The following ZZEF1 variants were observed in gnomAD, a reference collection of about 807,000 sequenced individuals.
ZZEF1 encodes zinc finger ZZ-type and EF-hand domain containing 1.
ZZEF1 carries 157 observed loss-of-function variants against 342.8 expected under a neutral mutation model. The ratio of observed to expected loss-of-function variants is 0.46; its 90% CI spans 0.40 to 0.52. The LOEUF (loss-of-function observed/expected upper bound fraction) is 0.52. Among genes scored for constraint, ZZEF1 ranks in the 20% least tolerant of loss-of-function variants. The pLI is 0.00. For synonymous variants in ZZEF1, 1,505 were observed against 1,429.1 expected (o/e 1.05, Z -1.20); for missense variants, 3,480 against 3,725.6 (o/e 0.93, Z 1.72).
In ZZEF1 at chr17:4,082,505, C is replaced by A. The variant is rs200013904; in HGVS notation, c.2647-1G>T. 86 of 1,613,622 alleles carry A rather than the reference C, an allele frequency of 5.3e-5. No homozygotes were observed. The highest frequency in any genetic ancestry group is 7.1e-5 in the Non-Finnish European group (84 of 1,179,864). ...GCTTGTGCTCCTGCTCGGTGACATT[C>A]TTCTAGAAAACCAGAAATTGTATAT... On this transcript the variant is annotated splice_acceptor_variant, in intron 16 of 54. Coordinates refer to ENST00000381638, the MANE Select transcript of ZZEF1 (RefSeq NM_015113.4). LOFTEE classifies it high-confidence loss of function.
rs1387121159 is a variant in ZZEF1, at chr17:4,050,803, C to T, written c.5841G>A (p.Leu1947=). Residue 1947 remains leucine, a synonymous_variant, in exon 36 of 55, where the codon CTG becomes CTA. Coordinates refer to ENST00000381638, the MANE Select transcript of ZZEF1 (RefSeq NM_015113.4). The stretch of plus-strand genomic sequence containing the variant: ...CACCTTTTCCCTGATGAGCCTTCAT[C>T]AGACAGTCCCCGACGAGCTGCATGC... ...SQCMQLVGDC[L]MKAHQGKGLK... is the part of the protein sequence containing the mutation. 1.2e-6 allele frequency: 2 copies of T among 1,613,974 alleles called. No individual in the cohort carries two copies. Among genetic ancestry groups the T allele is most frequent in the Admixed American group, 1.7e-5 (1 of 60,010 alleles).
At chr17:4,065,109 A>G (rs779988703) in intron 28 of ZZEF1, among the ~76,000 whole-genome samples, 3 of 152,230 alleles carry the variant, frequency 2.0e-5, no homozygotes, top group Non-Finnish European at 4.4e-5. Context: ...AGCTTCATGA[A>G]TAAAGTGATA....
intron 19 of ZZEF1, among the ~76,000 whole-genome samples, chr17:4,077,586 TGA>T (rs1465355351): frequency 6.6e-6 from 1 of 152,228 alleles, no homozygotes. Context: ...TAGACTCTCC[TGA>T]AGAGCGAGAC....
chr17:4,041,735 T>C (rs1040084888), intron 39 of ZZEF1, among the ~76,000 whole-genome samples: 1 of 152,188 alleles, frequency 6.6e-6, no homozygotes, highest in Admixed American at 6.6e-5. Context: ...TAGAAAATTA[T>C]GCAAAAGAAT....
At chr17:4,106,265 C>A (rs2058211510) in intron 6 of ZZEF1, among the ~76,000 whole-genome samples, 1 of 151,986 alleles carries the variant, frequency 6.6e-6, no homozygotes, top group Non-Finnish European at 1.5e-5. Flanking sequence ...CCTTTTTGCC[C>A]AGGAGTCACA....
chr17:4,090,292 G>A (rs1447697932), intron 12 of ZZEF1, among the ~76,000 whole-genome samples: 1 of 139,746 alleles, frequency 7.2e-6, no homozygotes, highest in African/African-American at 2.8e-5. Flanking sequence ...TCCACACACT[G>A]TAGCCTGGCT....
At position 4,064,747 on chromosome 17, in the gene ZZEF1, C is replaced by A. The variant is rs1407109382; in HGVS notation, c.4332G>T (p.Leu1444Phe). ...GISSKESCEK[L>F]ETADETSHLQ... is the part of the protein sequence containing the mutation. ...GATGACTGGTTTCATCAGCAGTCTC[C>A]AACTTTTCGCAGCTTTCTTTTGAAC... Residue 1444 changes from leucine (L) to phenylalanine (F), a missense_variant, in exon 29 of 55, where the codon TTG becomes TTT. By Grantham distance (22) the Leu-to-Phe change is conservative (BLOSUM62 0). Coordinates refer to ENST00000381638, the MANE Select transcript of ZZEF1 (RefSeq NM_015113.4). The A allele has an allele frequency of 6.2e-7, 1 of 1,613,720 alleles. No homozygotes were observed. The highest frequency in any genetic ancestry group is 1.1e-5 in the South Asian group (1 of 91,072).
intron 37 of ZZEF1, among the ~76,000 whole-genome samples, chr17:4,047,101 C>T (rs576437349): frequency 2.6e-5 from 4 of 152,216 alleles, no homozygotes; most frequent in African/African-American, 9.6e-5. Context: ...TGGGCGCACC[C>T]GGCTGCTGGT....
At chr17:4,035,124 T>C (rs2056632658) in intron 39 of ZZEF1, among the ~76,000 whole-genome samples, 1 of 152,264 alleles carries the variant, frequency 6.6e-6, no homozygotes, top group South Asian at 2.1e-4. Flanking sequence ...AACTTATTAA[T>C]ACTTTGTTTC....
intron 54 of ZZEF1, among the ~76,000 whole-genome samples, chr17:4,007,507 G>T (rs1264466959): frequency 6.6e-6 from 1 of 152,026 alleles, no homozygotes; most frequent in Non-Finnish European, 1.5e-5. Context: ...TCAACAGGCT[G>T]TGGGGGGGGT....
chr17:4,056,364 G>A lies in ZZEF1; in HGVS notation c.5166-19C>T. ...CCATTGGCTGAAAGAAGGACATAAA[G>A]AGAGAAAAGCATGCCTCTCCCAATC... On this transcript the variant is annotated intron_variant, in intron 32 of 54. Transcript: ENST00000381638. The A allele has an allele frequency of 6.4e-7, 1 of 1,568,180 alleles. No individual in the cohort carries two copies. Among genetic ancestry groups the A allele is most frequent in the Non-Finnish European group, 8.6e-7 (1 of 1,156,744 alleles).
intron 32 of ZZEF1, among the ~76,000 whole-genome samples, chr17:4,056,603 A>G (rs1366833384): frequency 5.3e-5 from 8 of 152,226 alleles, no homozygotes; most frequent in Non-Finnish European, 1.5e-5. Context: ...ACCACATGGC[A>G]TAATTCCACT....
chr17:4,134,589 C>T (rs1361575766), intron 1 of ZZEF1, among the ~76,000 whole-genome samples: 1 of 151,986 alleles, frequency 6.6e-6, no homozygotes, highest in African/African-American at 2.4e-5. Flanking sequence ...AGGCAGAGTT[C>T]TAAGCCCTTC....
At chr17:4,056,416 C>T in intron 32 of ZZEF1, 71 bp from the exon 33 acceptor site, 1 of 1,476,080 alleles carries the variant, frequency 6.8e-7, no homozygotes, top group Non-Finnish European at 9.0e-7. Flanking sequence ...GTTAGCAGAC[C>T]CTGTGTCTAT....
At position 4,081,281 on chromosome 17, in the gene ZZEF1, T is replaced by C. The variant is rs1294885216; in HGVS notation, c.2829+95A>G. 5 of 987,272 alleles carry C rather than the reference T, an allele frequency of 5.1e-6. No individual in the cohort carries two copies. The Admixed American group carries it at 6.0e-5, about 12-fold the overall frequency. The allele number at this position is 987,272 out of a possible 1,614,324, so 61.2% of individuals were successfully genotyped here. A position where few individuals can be genotyped will look rare whatever the true frequency, so the allele number is the denominator to read the frequency against. On this transcript the variant is annotated intron_variant, in intron 18 of 54. Coordinates refer to ENST00000381638, the MANE Select transcript of ZZEF1 (RefSeq NM_015113.4). The stretch of plus-strand genomic sequence containing the variant: ...AAAAAACCACAACAAAGTACATTCA[T>C]ACTGCAAAGAGGCAAAGGGGGGCAC...
intron 13 of ZZEF1, among the ~76,000 whole-genome samples, 188 bp downstream of exon 13, chr17:4,088,490 A>G (rs932801439): frequency 1.3e-5 from 2 of 152,162 alleles, no homozygotes; most frequent in African/African-American, 4.8e-5. Context: ...CTCACAGGCC[A>G]CTTCCCTGAC....
chr17:4,085,642 T>C (rs767487099), intron 16 of ZZEF1, 28 bp downstream of exon 16: 26 of 1,612,292 alleles, frequency 1.6e-5, no homozygotes, highest in South Asian at 2.2e-5. Context: ...ACTTCAGACA[T>C]TGAATCCAGA....
intron 2 of ZZEF1, among the ~76,000 whole-genome samples, chr17:4,118,225 T>C (rs948116932): frequency 1.3e-5 from 2 of 152,158 alleles, no homozygotes; most frequent in Non-Finnish European, 2.9e-5. Flanking sequence ...CATTCGATGA[T>C]GGAATGCTGC....
chr17:4,066,019 T>C (rs576487815), intron 28 of ZZEF1, among the ~76,000 whole-genome samples: 15 of 152,134 alleles, frequency 9.9e-5, no homozygotes, highest in Non-Finnish European at 4.4e-5. Context: ...AAAAAAAAAT[T>C]TGCCAGGTGT....
Sources: gnomAD v4.1 joint callset for allele counts (sites outside exome capture counted in the v4.1 genomes callset) on GRCh38, gnomAD v4.1.1 for gene constraint, MANE v1.5 for transcripts, NCBI Gene and HGNC (gene_info 2026-07-23, HGNC 2026-07-21) for gene names.